KIF1A: variants seen among roughly 807,000 people sequenced by gnomAD.
The protein encoded by KIF1A is kinesin family member 1A.
KIF1A carries 46 observed loss-of-function variants against 227.3 expected under a neutral mutation model. The ratio of observed to expected loss-of-function variants is 0.20; its 90% CI spans 0.16 to 0.26. KIF1A has a LOEUF of 0.26. KIF1A is among the 10% of genes least tolerant of loss of function. The probability of loss-of-function intolerance (pLI) is 1.00; values close to 1 mark genes in which losing one functional copy is unlikely to be tolerated. For missense variants in KIF1A, 1,683 were observed against 2,485.9 expected, an observed-to-expected ratio of 0.68 and a Z score of 6.87; for synonymous variants, 1,022 against 1,012.8, an observed-to-expected ratio of 1.01 and a Z score of -0.17.
intron 45 of KIF1A, 152 bp downstream of exon 45, chr2:240,720,762 A>G: frequency 2.2e-6 from 2 of 896,708 alleles, no homozygotes; most frequent in Non-Finnish European, 3.3e-6. Context: ...TGCGGACTCC[A>G]CTCCTCCAGG....
chr2:240,798,217 C>T (rs935509028), intron 1 of KIF1A, among the ~76,000 whole-genome samples: 1 of 152,218 alleles, frequency 6.6e-6, no homozygotes, highest in Non-Finnish European at 1.5e-5. Context: ...ATGTCAAGGA[C>T]GCTTTAAAAC....
intron 38 of KIF1A, among the ~76,000 whole-genome samples, chr2:240,729,423 G>T (rs2046370090): frequency 6.6e-6 from 1 of 152,198 alleles, no homozygotes; most frequent in Non-Finnish European, 1.5e-5. Flanking sequence ...GCCCTTCAGA[G>T]AGCACCAGGT....
At position 240,778,887 on chromosome 2, in the gene KIF1A, G is replaced by A. The variant is rs1463947171; in HGVS notation, c.883-2961C>T. Among the ~76,000 whole-genome samples, 2 of 151,516 alleles carry A rather than the reference G, an allele frequency of 1.3e-5. No individual in the cohort carries two copies. Among genetic ancestry groups the A allele is most frequent in the Admixed American group, 1.3e-4 (2 of 15,236 alleles). ...CAACCCTTCACGCCATCCCCAATGC[G>A]GGTGCACACACACTTTCCACACACT... On this transcript the variant is annotated intron_variant, in intron 10 of 48. Coordinates refer to ENST00000498729, the MANE Select transcript of KIF1A (RefSeq NM_001244008.2). The surrounding 1 kb of genome is among the most constrained non-coding windows in gnomAD (Gnocchi z 7.2).
chr2:240,784,866 C>T (rs2054519441), intron 7 of KIF1A, 123 bp downstream of exon 7: 1 of 778,854 alleles, frequency 1.3e-6, no homozygotes, highest in African/African-American at 1.7e-5. Context: ...GAGGACACTA[C>T]CCGCCCTGCA....
intron 10 of KIF1A, 69 bp downstream of exon 10, chr2:240,782,521 G>A (rs988458581): frequency 1.1e-5 from 17 of 1,501,296 alleles, no homozygotes; most frequent in African/African-American, 6.9e-5. Flanking sequence ...TCACCACAGG[G>A]CGCCAATGCA....
In KIF1A at chr2:240,785,024, G is replaced by A. The variant is rs776660768; in HGVS notation, c.685C>T (p.Arg229Cys). Residue 229 changes from arginine (R) to cysteine (C), a missense_variant, in exon 7 of 49, where the codon CGC becomes TGC. Transcript: ENST00000498729. ...AVFNIIFTQK[R>C]HDAETNITTE... ...GTGATATTGGTCTCTGCGTCATGGC[G>A]CTTCTGGGTGAAGATGATGTTGAAG... is the stretch of plus-strand genomic sequence containing the variant. 2.1e-5 allele frequency: 34 copies of A among 1,613,508 alleles called. No homozygotes were observed. Among genetic ancestry groups the A allele is most frequent in the Non-Finnish European group, 1.3e-5 (15 of 1,179,828 alleles).
chr2:240,786,802 T>TATCAGGACCCCTGAGTGAGAGGGTGGGG lies in KIF1A; in HGVS notation c.430-290_430-289insCCCCACCCTCTCACTCAGGGGTCCTGAT, dbSNP rs1559530234. On this transcript the variant is annotated intron_variant, in intron 5 of 48. Coordinates refer to ENST00000498729, the MANE Select transcript of KIF1A (RefSeq NM_001244008.2). ...GACCCCTGAGTGAGGGGGTGGGGGC[T>TATCAGGACCCCTGAGTGAGAGGGTGGGG]GCCATCAGGACCCCTGAGTGAGAGG... 7.9e-4 allele frequency among the ~76,000 whole-genome samples: 24 copies of TATCAGGACCCCTGAGTGAGAGGGTGGGG among 30,316 alleles called. 2 individuals are homozygous for TATCAGGACCCCTGAGTGAGAGGGTGGGG. Among genetic ancestry groups the TATCAGGACCCCTGAGTGAGAGGGTGGGG allele is most frequent in the African/African-American group, 2.6e-3 (24 of 9,360 alleles). The allele number at this position is 30,316 out of a possible 152,430, so 19.9% of individuals were successfully genotyped here.
chr2:240,719,951 C>A lies in KIF1A; in HGVS notation c.4869-25G>T, dbSNP rs6437368. On this transcript the variant is annotated intron_variant, in intron 45 of 48. Transcript: ENST00000498729. Reference sequence around the variant, plus strand: ...CCTGGGAAGCAGAGGGAAGTGCTGCCCACTGCAGGCCTCCCTGGGCCTGGG... The same window carrying A: ...CCTGGGAAGCAGAGGGAAGTGCTGCACACTGCAGGCCTCCCTGGGCCTGGG... 1,201,551 of 1,591,016 alleles carry A rather than the reference C, an allele frequency of 0.76. 455,160 individuals carry two copies. Among genetic ancestry groups the A allele is most frequent in the East Asian group, 0.92 (40,931 of 44,576 alleles).
chr2:240,758,235 A>G lies in KIF1A; in HGVS notation c.2582+125T>C, dbSNP rs1575583230. 1 of 1,078,594 alleles carries G rather than the reference A, an allele frequency of 9.3e-7. No homozygotes were observed. The highest frequency in any genetic ancestry group is 1.3e-6 in the Non-Finnish European group (1 of 773,018). 66.8% of individuals were successfully genotyped at this position (1,078,594 alleles called of 1,614,324 possible). On this transcript the variant is annotated intron_variant, in intron 26 of 48. Coordinates refer to ENST00000498729, the MANE Select transcript of KIF1A (RefSeq NM_001244008.2). This position sits in a 1 kb window ranked among gnomAD's most constrained non-coding sequence, Gnocchi z 5.2. ...TCAGGCCAGGGAGGACAGGGCTGGG[A>G]ATATGGGGCTGGAAAAGCACTTGTC...
intron 1 of KIF1A, among the ~76,000 whole-genome samples, chr2:240,817,060 C>T (rs7582742): frequency 0.26 from 38,999 of 152,188 alleles, 5,372 homozygotes; most frequent in African/African-American, 0.35. Flanking sequence ...GGCCACTGTG[C>T]CCCTGCCTCT....
At position 240,739,643 on chromosome 2, in the gene KIF1A, G is replaced by A. The variant is rs1021122060; in HGVS notation, c.3901+415C>T. ...AGTGATGCGTCTGCAGGCCAGGGTC[G>A]CCCAAGATGCTGGCCACCACCAGGA... On this transcript the variant is annotated intron_variant, in intron 37 of 48. Coordinates refer to ENST00000498729, the MANE Select transcript of KIF1A (RefSeq NM_001244008.2). This position sits in a 1 kb window ranked among gnomAD's most constrained non-coding sequence, Gnocchi z 5.6. Among the ~76,000 whole-genome samples the A allele has an allele frequency of 2.0e-5, 3 of 151,930 alleles. No individual in the cohort carries two copies. The highest frequency in any genetic ancestry group is 2.1e-4 in the South Asian group (1 of 4,812).
intron 20 of KIF1A, among the ~76,000 whole-genome samples, chr2:240,764,794 G>T (rs2050950779): frequency 1.3e-5 from 2 of 152,132 alleles, no homozygotes; most frequent in Non-Finnish European, 2.9e-5. Context: ...CAACGGTGGG[G>T]TGGGCCTCAT....
At chr2:240,767,407 C>A (rs374561981) in intron 17 of KIF1A, 62 bp from the exon 18 acceptor site, 83 of 1,365,276 alleles carry the variant, frequency 6.1e-5, no homozygotes, top group Non-Finnish European at 3.1e-6. Context: ...GCTGGCCACA[C>A]CCCCCTCCAA....
chr2:240,772,473 C>T, intron 14 of KIF1A, 97 bp downstream of exon 14: 2 of 1,032,278 alleles, frequency 1.9e-6, no homozygotes, highest in South Asian at 1.4e-5. Context: ...AGAGCAGGTA[C>T]CCTGGGGTTC....
chr2:240,740,307 G>T lies in KIF1A; in HGVS notation c.3807C>A (p.Leu1269=). 1 of 1,613,446 alleles carries T rather than the reference G, an allele frequency of 6.2e-7. No homozygotes were observed. The highest frequency in any genetic ancestry group is 1.7e-5 in the Admixed American group (1 of 59,992). ...RGGMPCMGTF[L]LHQGIQRRIT... ...CAAGAGGGGCTCACACCTGGTGGAG[G>T]AGGAAGGTCCCCATGCATGGCATGC... Residue 1269 remains leucine, a synonymous_variant, in exon 36 of 49, where the codon CTC becomes CTA. Coordinates refer to ENST00000498729, the MANE Select transcript of KIF1A (RefSeq NM_001244008.2). This position sits in a 1 kb window ranked among gnomAD's most constrained non-coding sequence, Gnocchi z 6.1.
chr2:240,730,638 A>G (rs1427386960), intron 38 of KIF1A, among the ~76,000 whole-genome samples: 1 of 152,226 alleles, frequency 6.6e-6, no homozygotes, highest in Non-Finnish European at 1.5e-5. Flanking sequence ...CGAAGGGAAC[A>G]TGATCCCAGC....
intron 38 of KIF1A, among the ~76,000 whole-genome samples, chr2:240,727,631 G>A (rs1356716776): frequency 2.6e-4 from 40 of 152,318 alleles, no homozygotes; most frequent in African/African-American, 8.2e-4. Context: ...GGGAGACAGC[G>A]GCGGCCTCGC....
chr2:240,746,787 C>T (rs1010947344), intron 29 of KIF1A, among the ~76,000 whole-genome samples: 1 of 152,218 alleles, frequency 6.6e-6, no homozygotes, highest in Admixed American at 6.5e-5. Flanking sequence ...GACACAGCGC[C>T]GGCCCTTCAC....
chr2:240,772,538 G>T, intron 14 of KIF1A, 32 bp downstream of exon 14: 1 of 1,541,966 alleles, frequency 6.5e-7, no homozygotes, highest in South Asian at 1.2e-5. Flanking sequence ...GCTGGAAGCA[G>T]AGATGCAGAG....
Sources: allele counts gnomAD v4.1 joint callset (sites outside exome capture counted in the v4.1 genomes callset), GRCh38; gene constraint gnomAD v4.1.1; non-coding constraint Gnocchi (gnomAD v3.1); transcripts MANE v1.5; gene names NCBI Gene and HGNC (gene_info 2026-07-23, HGNC 2026-07-21).